Variants in ACYP2 observed in about 807,000 individuals in gnomAD.
The protein encoded by ACYP2 is acylphosphatase 2.
Under a neutral mutation model 11.2 loss-of-function variants are expected in ACYP2, and 12 were observed. The ratio of observed to expected loss-of-function variants is 1.08; its 90% CI spans 0.69 to 1.74. The LOEUF is 1.74. Ranked by LOEUF, ACYP2 falls within the 40% of genes most tolerant of loss-of-function variation. The probability of loss-of-function intolerance (pLI) is 0.00; values close to 1 mark genes in which losing one functional copy is unlikely to be tolerated. For missense variants in ACYP2, 134 were observed against 101.9 expected (o/e 1.31, Z -1.35); for synonymous variants, 43 against 32.2 (o/e 1.33, Z -1.13).
chr2:54,210,940 T>G (rs1299357242), intron 6 of ACYP2, among the ~76,000 whole-genome samples: 1 of 152,204 alleles, frequency 6.6e-6, no homozygotes, highest in Non-Finnish European at 1.5e-5. Flanking sequence ...TTATTTCCAA[T>G]AAATTGATAT....
At chr2:54,141,415 A>C (rs977225392) in intron 6 of ACYP2, among the ~76,000 whole-genome samples, 2 of 152,122 alleles carry the variant, frequency 1.3e-5, no homozygotes, top group Non-Finnish European at 2.9e-5. Context: ...CATTTACTCC[A>C]TCTGGAATTT....
chr2:54,183,841 A>G (rs1683857584), intron 6 of ACYP2, among the ~76,000 whole-genome samples: 1 of 152,202 alleles, frequency 6.6e-6, no homozygotes, highest in African/African-American at 2.4e-5. Flanking sequence ...TTTCATGAAA[A>G]TAAAATTATT....
At chr2:54,148,281 G>T (rs533847563) in intron 6 of ACYP2, among the ~76,000 whole-genome samples, 1 of 151,918 alleles carries the variant, frequency 6.6e-6, no homozygotes, top group South Asian at 2.1e-4. Context: ...CCAGGAAGAA[G>T]GGGATGGGGA....
At chr2:54,163,812 C>A (rs571141265) in intron 6 of ACYP2, among the ~76,000 whole-genome samples, 1 of 151,946 alleles carries the variant, frequency 6.6e-6, no homozygotes, top group Non-Finnish European at 1.5e-5. Flanking sequence ...GCCGAGATTG[C>A]ACCATTGCAC....
intron 2 of ACYP2, among the ~76,000 whole-genome samples, chr2:53,981,522 A>G (rs1671763033): frequency 6.6e-6 from 1 of 152,118 alleles, no homozygotes; most frequent in Non-Finnish European, 1.5e-5. Flanking sequence ...GCAAAAGAAG[A>G]CTTGGCTTGC....
intron 6 of ACYP2, among the ~76,000 whole-genome samples, chr2:54,201,075 C>A (rs1158329327): frequency 6.7e-6 from 1 of 150,342 alleles, no homozygotes; most frequent in African/African-American, 2.4e-5. Context: ...TATCCAGATT[C>A]TTTGCCCATT....
chr2:54,113,072 TG>T (rs1275160773), intron 4 of ACYP2, among the ~76,000 whole-genome samples: 2 of 152,196 alleles, frequency 1.3e-5, no homozygotes, highest in Non-Finnish European at 2.9e-5. Flanking sequence ...ATAAAAATCC[TG>T]GAATGTTCAA....
intron 4 of ACYP2, among the ~76,000 whole-genome samples, chr2:54,073,744 A>T (rs529292651): frequency 6.6e-6 from 1 of 152,260 alleles, no homozygotes; most frequent in African/African-American, 2.4e-5. Flanking sequence ...TCTTCAAAGA[A>T]GATTTACAAA....
intron 6 of ACYP2, among the ~76,000 whole-genome samples, chr2:54,188,566 T>G (rs185681251): frequency 1.4e-4 from 21 of 152,318 alleles, no homozygotes; most frequent in African/African-American, 4.6e-4. Flanking sequence ...TTCTAAATAT[T>G]AACAAGGATT....
chr2:53,972,468 A>T (rs1177600834), intron 1 of ACYP2, among the ~76,000 whole-genome samples: 2 of 131,452 alleles, frequency 1.5e-5, no homozygotes, highest in Admixed American at 1.5e-4. Context: ...TTAGCCGGGC[A>T]TGGTGGCGGG....
chr2:54,141,377 A>C (rs367842563), intron 6 of ACYP2, among the ~76,000 whole-genome samples: 1 of 152,240 alleles, frequency 6.6e-6, no homozygotes. Flanking sequence ...TTTTCTTCTA[A>C]CTTGATGCTC....
chr2:54,100,133 A>G (rs1312577199), intron 4 of ACYP2, among the ~76,000 whole-genome samples: 1 of 151,576 alleles, frequency 6.6e-6, no homozygotes, highest in Admixed American at 6.6e-5. Flanking sequence ...TTGTGAATTT[A>G]TTCCAAAATT....
intron 4 of ACYP2, among the ~76,000 whole-genome samples, chr2:54,126,898 G>A (rs1680543136): frequency 6.6e-6 from 1 of 150,750 alleles, no homozygotes; most frequent in Non-Finnish European, 1.5e-5. Context: ...AGGTTGCAGT[G>A]AGCCGAGATT....
At chr2:54,167,391 G>T (rs920930456) in intron 6 of ACYP2, among the ~76,000 whole-genome samples, 1 of 152,170 alleles carries the variant, frequency 6.6e-6, no homozygotes, top group Non-Finnish European at 1.5e-5. Context: ...TATCTGAAAA[G>T]ATATAATGGT....
intron 6 of ACYP2, among the ~76,000 whole-genome samples, chr2:54,258,804 AC>A (rs1687661457): frequency 6.6e-6 from 1 of 152,166 alleles, no homozygotes; most frequent in African/African-American, 2.4e-5. Context: ...GTAACTGAAT[AC>A]CTGAGACTGG....
At chr2:54,142,234 C>A in intron 6 of ACYP2, 1 of 258,250 alleles carries the variant, frequency 3.9e-6, no homozygotes, top group Admixed American at 5.4e-5. Flanking sequence ...ATACTCCCCA[C>A]ACAGTTTTCC....
intron 6 of ACYP2, among the ~76,000 whole-genome samples, chr2:54,171,273 A>G (rs893251364): frequency 6.6e-6 from 1 of 152,166 alleles, no homozygotes; most frequent in Non-Finnish European, 1.5e-5. Flanking sequence ...ACTACTCAGA[A>G]GGGCTTCAAA....
At chr2:53,989,257 A>T (rs1414629785) in intron 2 of ACYP2, among the ~76,000 whole-genome samples, 1 of 149,608 alleles carries the variant, frequency 6.7e-6, no homozygotes, top group African/African-American at 2.5e-5. Flanking sequence ...AATAACAAAA[A>T]GTCAGATTGG....
intron 2 of ACYP2, among the ~76,000 whole-genome samples, chr2:54,024,813 G>A (rs984108516): frequency 1.3e-5 from 2 of 152,082 alleles, no homozygotes; most frequent in Admixed American, 6.6e-5. Flanking sequence ...GTTTCCTGAC[G>A]ATATGATCAT....
Sources: gnomAD v4.1 joint callset for allele counts (sites outside exome capture counted in the v4.1 genomes callset) on GRCh38, gnomAD v4.1.1 for gene constraint, MANE v1.5 for transcripts, NCBI Gene and HGNC (gene_info 2026-07-23, HGNC 2026-07-21) for gene names.